Variants in ALLC observed in about 807,000 individuals in gnomAD.
ALLC encodes the protein allantoicase.
In ALLC, 40 loss-of-function variants were observed where a neutral mutation model predicts 45.0. The ratio of observed to expected loss-of-function variants is 0.89; its 90% confidence interval spans 0.69 to 1.16. The LOEUF (loss-of-function observed/expected upper bound fraction) is 1.16, where lower values mean the gene tolerates loss of function less well. Ranked by LOEUF, ALLC falls within the 50% of genes most tolerant of loss-of-function variation. The pLI is 0.00. For missense variants in ALLC, 488 were observed against 493.1 expected (o/e 0.99, Z 0.10); for synonymous variants, 176 against 178.1 (o/e 0.99, Z 0.09).
chr2:3,682,727 G>T (rs542706533), intron 6 of ALLC, among the ~76,000 whole-genome samples: 12 of 152,042 alleles, frequency 7.9e-5, no homozygotes, highest in Non-Finnish European at 1.6e-4. Context: ...GGGTTTCACC[G>T]TGTTAGCCAG....
intron 7 of ALLC, among the ~76,000 whole-genome samples, chr2:3,687,726 G>A (rs957114862): frequency 6.6e-6 from 1 of 151,066 alleles, no homozygotes; most frequent in Non-Finnish European, 1.5e-5. Flanking sequence ...TTGTTGGTAT[G>A]TAGTTGTTCA....
chr2:3,679,781 G>T, intron 4 of ALLC, 88 bp from the exon 5 acceptor site: 1 of 1,568,964 alleles, frequency 6.4e-7, no homozygotes, highest in Non-Finnish European at 8.7e-7. Flanking sequence ...CCTGCTGTGG[G>T]TCAGGTGCAT....
upstream of ALLC, among the ~76,000 whole-genome samples, chr2:3,655,113 G>C (rs1237020333): frequency 6.6e-6 from 1 of 152,224 alleles, no homozygotes; most frequent in Non-Finnish European, 1.5e-5. Flanking sequence ...GCTCCGTGCT[G>C]GCTGCTGGCC....
chr2:3,676,003 A>G (rs1002969895), intron 3 of ALLC, among the ~76,000 whole-genome samples: 2 of 152,232 alleles, frequency 1.3e-5, no homozygotes, highest in Non-Finnish European at 1.5e-5. Context: ...GAAGCAGGCC[A>G]TCTCCTGCCT....
the ALLC span, among the ~76,000 whole-genome samples, chr2:3,651,909 G>A: frequency 6.6e-6 from 1 of 152,166 alleles, no homozygotes; most frequent in Admixed American, 6.5e-5. Flanking sequence ...CATGGAAACC[G>A]TGCCCTTCGC....
At chr2:3,682,701 A>ATTT (rs1384847061) in intron 6 of ALLC, among the ~76,000 whole-genome samples, 2 of 151,750 alleles carry the variant, frequency 1.3e-5, no homozygotes, top group African/African-American at 2.4e-5. Context: ...AATTTTTTGT[A>ATTT]TTTCTAGTAC....
chr2:3,692,803 T>G (rs1044841727), intron 7 of ALLC, among the ~76,000 whole-genome samples: 1 of 152,146 alleles, frequency 6.6e-6, no homozygotes, highest in Non-Finnish European at 1.5e-5. Context: ...ACCCTCAGTG[T>G]GAAGCCTCCA....
chr2:3,669,919 C>T (rs2147997057), intron 1 of ALLC, among the ~76,000 whole-genome samples: 1 of 152,240 alleles, frequency 6.6e-6, no homozygotes, highest in Non-Finnish European at 1.5e-5. Flanking sequence ...GATGGAAATT[C>T]ATGTCGGGAA....
chr2:3,664,317 T>G (rs1194218871), intron 1 of ALLC, among the ~76,000 whole-genome samples: 1 of 152,250 alleles, frequency 6.6e-6, no homozygotes, highest in Non-Finnish European at 1.5e-5. Flanking sequence ...TACAAGGGTC[T>G]GTTTGTTTTG....
chr2:3,651,431 GT>G, the ALLC span, among the ~76,000 whole-genome samples: 10 of 60,328 alleles, frequency 1.7e-4, no homozygotes, highest in Admixed American at 4.7e-4. Context: ...GTGTGTGTGT[GT>G]GTGTGTGTGT....
chr2:3,654,246 G>T (rs1190478888), upstream of ALLC, among the ~76,000 whole-genome samples: 2 of 152,208 alleles, frequency 1.3e-5, no homozygotes, highest in Non-Finnish European at 2.9e-5. Context: ...AGCCCTTGAT[G>T]GGAGAACCTG....
chr2:3,674,467 T>G (rs1666970218), intron 3 of ALLC, among the ~76,000 whole-genome samples: 1 of 152,154 alleles, frequency 6.6e-6, no homozygotes, highest in Non-Finnish European at 1.5e-5. Context: ...ACCTGCCTAA[T>G]TATAAAAGTG....
intron 10 of ALLC, among the ~76,000 whole-genome samples, chr2:3,698,530 C>T (rs551964077): frequency 6.6e-6 from 1 of 152,344 alleles, no homozygotes; most frequent in East Asian, 1.9e-4. Context: ...TAAAACCGTA[C>T]ACCTCTATGT....
intron 3 of ALLC, among the ~76,000 whole-genome samples, chr2:3,677,019 C>T (rs570465926): frequency 7.2e-5 from 11 of 152,292 alleles, no homozygotes; most frequent in African/African-American, 2.4e-4. Context: ...AACTCCTGAC[C>T]TCAGGTGATC....
chr2:3,697,208 A>G, intron 9 of ALLC, 140 bp from the exon 10 acceptor site: 3 of 581,620 alleles, frequency 5.2e-6, no homozygotes, highest in Non-Finnish European at 9.1e-6. Flanking sequence ...AAAGTGATTT[A>G]CACATCAGGC....
chr2:3,658,568 T>TA (rs111899173), intron 1 of ALLC, among the ~76,000 whole-genome samples: 25 of 151,546 alleles, frequency 1.6e-4, no homozygotes, highest in African/African-American at 5.6e-4. Context: ...TTGGCCTTCT[T>TA]AAAAAAAAAT....
rs558463289 is a variant in ALLC at position 3,682,212 on chromosome 2, C to T, written c.378+499C>T. ...AAATAACAGGAACAGTAAACAGGGCCGTTAGTTTGAGAAGTGCTAACCTAG... is the reference window on the plus strand; with the variant it reads ...AAATAACAGGAACAGTAAACAGGGCTGTTAGTTTGAGAAGTGCTAACCTAG... On this transcript the variant is annotated intron_variant, in intron 6 of 11. Transcript: ENST00000252505. Among the ~76,000 whole-genome samples the T allele has an allele frequency of 1.8e-3, 271 of 152,128 alleles. 1 individual carries two copies. Among genetic ancestry groups the T allele is most frequent in the Non-Finnish European group, 3.0e-3 (201 of 68,008 alleles).
At chr2:3,656,794 G>C (rs1378548476), upstream of ALLC, among the ~76,000 whole-genome samples, 1 of 145,458 alleles carries the variant, frequency 6.9e-6, no homozygotes, top group Non-Finnish European at 1.5e-5. Flanking sequence ...GCAGAGGTCA[G>C]GGTGTGGAGG....
At chr2:3,674,805 A>C (rs1296947971) in intron 3 of ALLC, among the ~76,000 whole-genome samples, 3 of 152,218 alleles carry the variant, frequency 2.0e-5, no homozygotes, top group Non-Finnish European at 4.4e-5. Context: ...AGAAAGTGAA[A>C]ATAAAATGAG....
Sources: allele counts gnomAD v4.1 joint callset (sites outside exome capture counted in the v4.1 genomes callset), GRCh38; gene constraint gnomAD v4.1.1; transcripts MANE v1.5; gene names NCBI Gene and HGNC (gene_info 2026-07-23, HGNC 2026-07-21).